Variants in DCAF15 observed in about 807,000 individuals in gnomAD.
DCAF15 encodes the protein DDB1 and CUL4 associated factor 15.
DCAF15 carries 24 observed loss-of-function variants against 68.0 expected under a neutral mutation model. That is an observed-to-expected ratio of 0.35 (90% confidence interval 0.26 to 0.50). DCAF15 has a LOEUF of 0.50. Ranked by LOEUF, DCAF15 falls within the 20% of genes least tolerant of loss-of-function variation. DCAF15 has a pLI of 0.98. For synonymous variants in DCAF15, 376 were observed against 341.6 expected (o/e 1.10, Z -1.11); for missense variants, 627 against 830.6 (o/e 0.75, Z 3.01).
Position 13,960,668 on chromosome 19 carries a change from G to A in DCAF15, c.1747+88G>A. ...TGATTCCTGAGCGCTGATGAAATGG[G>A]TGGGAAGGCTGGTGAGGAGAGGGCA... On this transcript the variant is annotated intron_variant, in intron 12 of 12. Transcript: ENST00000254337. 6 of 1,331,742 alleles carry A rather than the reference G, an allele frequency of 4.5e-6. No individual in the cohort carries two copies. The South Asian group carries it at 8.3e-5, about 18-fold the overall frequency. 82.5% of individuals were successfully genotyped at this position (1,331,742 alleles called of 1,614,324 possible).
intron 3 of DCAF15, among the ~76,000 whole-genome samples, chr19:13,955,437 A>AT (rs1238642998): frequency 6.6e-6 from 1 of 152,158 alleles, no homozygotes; most frequent in Non-Finnish European, 1.5e-5. Flanking sequence ...AGAAATTACC[A>AT]TTTTTATGGT....
At chr19:13,955,278 G>A (rs1973308860) in intron 3 of DCAF15, among the ~76,000 whole-genome samples, 1 of 151,784 alleles carries the variant, frequency 6.6e-6, no homozygotes, top group African/African-American at 2.4e-5. Context: ...AAATTAGCCG[G>A]GCATGGTGGC....
rs1324998695 is a variant in DCAF15 at position 13,959,376 on chromosome 19, C to T, written c.1116C>T (p.Asp372=). ...TGTGTGGAGAGACGGCACCCCGGGA[C>T]AGCCCCCCTGCCTCGGAGGCACCTG... ...LALCGETAPR[D]SPPASEAPAS... Residue 372 remains aspartate, a synonymous_variant, in exon 7 of 13, where the codon GAC becomes GAT. Transcript: ENST00000254337. 2 of 1,606,190 alleles carry T rather than the reference C, an allele frequency of 1.2e-6. No homozygotes were observed. The highest frequency in any genetic ancestry group is 3.3e-5 in the Admixed American group (2 of 60,000).
intron 3 of DCAF15, among the ~76,000 whole-genome samples, chr19:13,955,187 G>A (rs997458739): frequency 2.0e-5 from 3 of 152,156 alleles, no homozygotes; most frequent in Admixed American, 6.6e-5. Flanking sequence ...TTGGGAGCCC[G>A]AGGTGGGTGG....
chr19:13,958,179 C>T (rs1211792056), intron 6 of DCAF15, among the ~76,000 whole-genome samples: 4 of 152,178 alleles, frequency 2.6e-5, no homozygotes, highest in Non-Finnish European at 4.4e-5. Flanking sequence ...CCGCTCTGCC[C>T]TTTTGGCTGT....
intron 6 of DCAF15, 50 bp downstream of exon 6, chr19:13,956,572 C>T (rs768570917): frequency 3.6e-5 from 57 of 1,590,700 alleles, no homozygotes; most frequent in Non-Finnish European, 4.5e-5. Flanking sequence ...AGCGGGTCCT[C>T]TCCCTACCCC....
chr19:13,956,661 T>C (rs1973377712), intron 6 of DCAF15, 139 bp downstream of exon 6: 1 of 1,045,366 alleles, frequency 9.6e-7, no homozygotes. Flanking sequence ...GTGGGAATGC[T>C]GCGGTCCAAA....
intron 1 of DCAF15, chr19:13,952,949 G>A (rs1008388049): frequency 2.2e-6 from 2 of 915,534 alleles, no homozygotes; most frequent in Admixed American, 2.7e-5. Flanking sequence ...GGGAGAATCA[G>A]GAGGAAGGGG....
chr19:13,956,571 T>C, intron 6 of DCAF15, 49 bp downstream of exon 6: 1 of 1,593,682 alleles, frequency 6.3e-7, no homozygotes, highest in South Asian at 1.1e-5. Context: ...AAGCGGGTCC[T>C]CTCCCTACCC....
chr19:13,959,848 G>A lies in DCAF15; in HGVS notation c.1393G>A (p.Gly465Ser), dbSNP rs1034154840. 1.3e-6 allele frequency: 2 copies of A among 1,567,572 alleles called. No individual in the cohort carries two copies. Among genetic ancestry groups the A allele is most frequent in the Non-Finnish European group, 1.7e-6 (2 of 1,153,230 alleles). ...GGTCATCCGCCACGACGCTACCTGG[G>A]GCCATCAGTTCTGTTCTTTCAGCGA... ...NEVIRHDATWGHQFCSFSDYD... is the reference protein window; with the variant it reads ...NEVIRHDATWSHQFCSFSDYD... The change falls in exon 9 of 13, where the codon GGC (glycine) becomes AGC (serine). Residue 465 changes from glycine to serine, a missense_variant. Around this residue, in one of 3 missense-constraint regions of DCAF15, gnomAD observed 118 missense variants for 211.8 expected, o/e 0.56. Transcript: ENST00000254337.
At position 13,955,969 on chromosome 19, in the gene DCAF15, G is replaced by C; in HGVS notation, c.424G>C (p.Val142Leu). Residue 142 changes from valine (V) to leucine (L), a missense_variant, in exon 4 of 13, where the codon GTA (valine) becomes CTA (leucine). This residue lies in a region of DCAF15 where 273 missense variants were observed against 393.7 expected (regional missense o/e 0.69). Transcript: ENST00000254337. ...GATCTACAGCGACCTGTACCTGACC[G>C]TATGCGAGTGGCCCAGCGACGCCTC... The part of the protein sequence containing the change: ...EEIYSDLYLT[V>L]CEWPSDASKV... 6.2e-7 allele frequency: 1 copy of C among 1,613,914 alleles called. No homozygotes were observed. Among genetic ancestry groups the C allele is most frequent in the Admixed American group, 1.7e-5 (1 of 60,024 alleles).
Position 13,953,020 on chromosome 19 carries a change from C to T in DCAF15, c.132+376C>T, listed in dbSNP as rs774928535. ...TGCTCCATAATGGAACCTTCCCGCC[C>T]CCTTTGCAGAGCCCCTGCCGCTGGC... On this transcript the variant is annotated intron_variant, in intron 1 of 12. Transcript: ENST00000254337. The T allele has an allele frequency of 6.1e-4, 826 of 1,347,014 alleles. 9 individuals are homozygous for T. The highest frequency in any genetic ancestry group is 1.1e-4 in the Non-Finnish European group (102 of 963,352). 83.4% of individuals were successfully genotyped at this position (1,347,014 alleles called of 1,614,324 possible).
chr19:13,959,503 C>G, intron 7 of DCAF15, 24 bp downstream of exon 7: 2 of 1,609,312 alleles, frequency 1.2e-6, no homozygotes, highest in South Asian at 1.1e-5. Flanking sequence ...AGGCATGTGA[C>G]AGGGCCTGGG....
At chr19:13,959,734 C>T in intron 8 of DCAF15, 33 bp from the exon 9 acceptor site, 1 of 1,612,888 alleles carries the variant, frequency 6.2e-7, no homozygotes, top group South Asian at 1.1e-5. Context: ...GGGCAGTTGG[C>T]ACCGTCCCCT....
chr19:13,954,590 G>C lies in DCAF15; in HGVS notation c.295G>C (p.Asp99His). ...YVLSYTSSSGDDDFSFYIYHL... is the reference protein window; with the variant it reads ...YVLSYTSSSGHDDFSFYIYHL... ...CCTCTCCTACACCAGCAGCAGTGGG[G>C]ATGACGACTTCTCCTTCTACATCTA... The change falls in exon 3 of 13, where the codon GAT becomes CAT. Residue 99 changes from aspartate to histidine, a missense_variant. By Grantham distance (81) the Asp-to-His change is moderately conservative. This residue lies in a region of DCAF15 where 273 missense variants were observed against 393.7 expected (regional missense o/e 0.69). Coordinates refer to ENST00000254337, the MANE Select transcript of DCAF15 (RefSeq NM_138353.4). 1.2e-6 allele frequency: 2 copies of C among 1,614,214 alleles called. No homozygotes were observed. Among genetic ancestry groups the C allele is most frequent in the Non-Finnish European group, 1.7e-6 (2 of 1,180,040 alleles).
chr19:13,954,136 T>G (rs1454659741), intron 1 of DCAF15, among the ~76,000 whole-genome samples: 2 of 152,186 alleles, frequency 1.3e-5, no homozygotes. Context: ...CTGGTGGAGA[T>G]GAAGGCTCAA....
chr19:13,961,307 C>T lies in DCAF15; in HGVS notation c.*312C>T. 2.1e-6 allele frequency: 1 copy of T among 470,384 alleles called. No homozygotes were observed. Among genetic ancestry groups the T allele is most frequent in the South Asian group, 2.4e-5 (1 of 42,480 alleles). 29.1% of individuals were successfully genotyped at this position (470,384 alleles called of 1,614,324 possible). On this transcript the variant is annotated 3_prime_UTR_variant, in exon 13 of 13. Transcript: ENST00000254337. ...GCATTTGCCCTTTTCTCGGCTACAG[C>T]TGTGGACGTTGCCCTCGGGGAGGTC...
At chr19:13,960,146 G>T in intron 10 of DCAF15, 77 bp downstream of exon 10, 1 of 1,585,850 alleles carries the variant, frequency 6.3e-7, no homozygotes, top group South Asian at 1.1e-5. Flanking sequence ...GTGTGGGGAC[G>T]TGAGAAGGCT....
Position 13,959,405 on chromosome 19 carries a change from C to T in DCAF15, c.1145C>T (p.Ser382Phe), listed in dbSNP as rs1405582023. 6.2e-7 allele frequency: 1 copy of T among 1,607,314 alleles called. No individual in the cohort carries two copies. Among genetic ancestry groups the T allele is most frequent in the Non-Finnish European group, 8.5e-7 (1 of 1,179,786 alleles). The change falls in exon 7 of 13, where the codon TCC becomes TTC. Residue 382 changes from serine to phenylalanine, a missense_variant. Ser to Phe is a radical substitution (Grantham distance 155). This residue lies in a region of DCAF15 where 236 missense variants were observed against 225.1 expected (regional missense o/e 1.05). Transcript: ENST00000254337. ...CCCCCTGCCTCGGAGGCACCTGCCTCCGAGCCTGGCTATGTCAACTACACC... is the reference window on the plus strand; with the variant it reads ...CCCCCTGCCTCGGAGGCACCTGCCTTCGAGCCTGGCTATGTCAACTACACC... ...DSPPASEAPA[S>F]EPGYVNYTKL...
Sources: allele counts gnomAD v4.1 joint callset (sites outside exome capture counted in the v4.1 genomes callset), GRCh38; gene constraint gnomAD v4.1.1; regional missense constraint gnomAD v4.1.1; transcripts MANE v1.5; gene names NCBI Gene and HGNC (gene_info 2026-07-23, HGNC 2026-07-21).